The following ADAMTSL1 variants were observed in gnomAD, a reference collection of about 807,000 sequenced individuals.
ADAMTSL1 encodes the protein ADAMTS-like protein 1.
ADAMTSL1 carries 126 observed loss-of-function variants against 201.8 expected under a neutral mutation model. The ratio of observed to expected loss-of-function variants is 0.62; its 90% CI spans 0.54 to 0.72. The LOEUF (loss-of-function observed/expected upper bound fraction) is 0.72, where lower values mean the gene tolerates loss of function less well. Among genes scored for constraint, ADAMTSL1 ranks in the 30% least tolerant of loss-of-function variants. The pLI is 0.00. For synonymous variants in ADAMTSL1, 1,121 were observed against 903.4 expected (o/e 1.24, Z -4.32); for missense variants, 2,679 against 2,277.8 (o/e 1.18, Z -3.59).
At chr9:17,908,390 A>G (rs1022240412) in intron 1 of ADAMTSL1, among the ~76,000 whole-genome samples, 6 of 152,118 alleles carry the variant, frequency 3.9e-5, no homozygotes, top group African/African-American at 1.4e-4. Context: ...GAAATTCTAA[A>G]GCTCTCGGGT....
In ADAMTSL1 at chr9:18,171,216, A is replaced by G. The variant is rs74807521; in HGVS notation, c.207+7235A>G. Among the ~76,000 whole-genome samples, 777 of 152,182 alleles carry G rather than the reference A, an allele frequency of 5.1e-3. 3 individuals are homozygous for G. Among genetic ancestry groups the G allele is most frequent in the East Asian group, 0.031 (162 of 5,162 alleles). On this transcript the variant is annotated intron_variant, in intron 2 of 29. Coordinates refer to the ADAMTSL1 transcript ENST00000680146. Reference sequence around the variant, plus strand: ...AAGAACCTATAAATAGACACATATAAAAAAGAACTTGGTATATCACAGATG... The same window carrying G: ...AAGAACCTATAAATAGACACATATAGAAAAGAACTTGGTATATCACAGATG...
rs143793077 is a variant in ADAMTSL1 at position 18,490,178 on chromosome 9, T to C, written c.64-14651T>C. Among the ~76,000 whole-genome samples, 706 of 152,256 alleles carry C rather than the reference T, an allele frequency of 4.6e-3. 6 individuals are homozygous for C. The highest frequency in any genetic ancestry group is 0.016 in the African/African-American group (671 of 41,544). On this transcript the variant is annotated intron_variant, in intron 1 of 28. Transcript: ENST00000380548. ...GACCCATGCCACAGAGGAACTGGCC[T>C]GGCCAGAGCTGGAAGCAGGCTGGGG...
At chr9:18,800,811 G>T (rs1822745798) in intron 20 of ADAMTSL1, among the ~76,000 whole-genome samples, 1 of 152,178 alleles carries the variant, frequency 6.6e-6, no homozygotes, top group Non-Finnish European at 1.5e-5. Flanking sequence ...AGCATCACGT[G>T]GCTGTACTAA....
chr9:18,504,900 C>T lies in ADAMTSL1; in HGVS notation c.135C>T (p.Cys45=). 1.2e-6 allele frequency: 2 copies of T among 1,613,074 alleles called. No individual in the cohort carries two copies. Among genetic ancestry groups the T allele is most frequent in the East Asian group, 2.2e-5 (1 of 44,856 alleles). The change falls in exon 2 of 29, where the codon TGC becomes TGT. Residue 45 remains cysteine (C), a synonymous_variant. Transcript: ENST00000380548. ...LWDAWGPWSE[C]SRTCGGGASY... Reference sequence around the variant, plus strand: ...ATGCCTGGGGCCCATGGAGTGAATGCTCACGCACCTGCGGGGGTGGGGCCT... The same window carrying T: ...ATGCCTGGGGCCCATGGAGTGAATGTTCACGCACCTGCGGGGGTGGGGCCT...
chr9:18,561,150 C>G (rs560511771), intron 3 of ADAMTSL1, among the ~76,000 whole-genome samples: 1 of 152,148 alleles, frequency 6.6e-6, no homozygotes, highest in African/African-American at 2.4e-5. Context: ...ATCTTTCCCA[C>G]TTTCTCCTGT....
chr9:18,480,608 G>A, intron 1 of ADAMTSL1, among the ~76,000 whole-genome samples: 1 of 152,168 alleles, frequency 6.6e-6, no homozygotes, highest in Admixed American at 6.5e-5. Context: ...TTGTTATGCT[G>A]AAAACTTTTA....
chr9:18,070,417 T>C (rs144904813), intron 1 of ADAMTSL1, among the ~76,000 whole-genome samples: 14 of 152,296 alleles, frequency 9.2e-5, no homozygotes, highest in Admixed American at 2.0e-4. Context: ...TAGACTCTTA[T>C]ACAGTTTTTC....
chr9:18,908,094 TA>T (rs1210601918), intron 28 of ADAMTSL1: 1 of 294,014 alleles, frequency 3.4e-6, no homozygotes, highest in African/African-American at 2.2e-5. Flanking sequence ...CAGGTTTGCC[TA>T]GGGGGAGAGG....
chr9:18,167,287 G>T (rs968298998), intron 2 of ADAMTSL1, among the ~76,000 whole-genome samples: 1 of 151,864 alleles, frequency 6.6e-6, no homozygotes, highest in African/African-American at 2.4e-5. Flanking sequence ...CTGTAGCTTT[G>T]TGGTAAACAC....
chr9:18,429,214 T>A (rs1819371978), intron 2 of ADAMTSL1, among the ~76,000 whole-genome samples: 1 of 152,208 alleles, frequency 6.6e-6, no homozygotes, highest in African/African-American at 2.4e-5. Flanking sequence ...GCTATACTAT[T>A]TTTGGAAACA....
chr9:18,220,238 G>T (rs1218558975), intron 2 of ADAMTSL1, among the ~76,000 whole-genome samples: 1 of 151,970 alleles, frequency 6.6e-6, no homozygotes, highest in Admixed American at 6.6e-5. Flanking sequence ...TGAATTTGTT[G>T]ATTTCTTTTC....
intron 14 of ADAMTSL1, among the ~76,000 whole-genome samples, chr9:18,719,878 T>G (rs556796957): frequency 1.1e-3 from 168 of 152,292 alleles, no homozygotes; most frequent in African/African-American, 3.9e-3. Context: ...GTGGGTCAAC[T>G]GTACTATACT....
intron 2 of ADAMTSL1, among the ~76,000 whole-genome samples, chr9:18,410,571 CTGCATAGTATTACATGG>C (rs1818395065): frequency 6.6e-6 from 1 of 152,166 alleles, no homozygotes; most frequent in Non-Finnish European, 1.5e-5. Flanking sequence ...CTTTTTATGG[CTGCATAGTATTACATGG>C]TGCATATATA....
intron 2 of ADAMTSL1, among the ~76,000 whole-genome samples, chr9:18,200,643 T>C (rs1829402743): frequency 6.6e-6 from 1 of 152,022 alleles, no homozygotes; most frequent in Non-Finnish European, 1.5e-5. Context: ...CTCCTGCTTT[T>C]CTCTTTAGGG....
chr9:18,889,896 G>T (rs561247762), intron 25 of ADAMTSL1, 148 bp downstream of exon 25: 6 of 763,900 alleles, frequency 7.9e-6, no homozygotes, highest in Non-Finnish European at 9.3e-6. Context: ...AGGCTTATCA[G>T]GCCTCTCCAC....
intron 3 of ADAMTSL1, among the ~76,000 whole-genome samples, chr9:18,553,802 T>G (rs1318769557): frequency 1.3e-5 from 2 of 151,904 alleles, no homozygotes; most frequent in Non-Finnish European, 2.9e-5. Flanking sequence ...CATTCTAATT[T>G]GTTTTTCCTG....
intron 4 of ADAMTSL1, among the ~76,000 whole-genome samples, chr9:18,594,916 T>C (rs1324043021): frequency 6.6e-6 from 1 of 152,212 alleles, no homozygotes; most frequent in Non-Finnish European, 1.5e-5. Flanking sequence ...TATTTTATTC[T>C]TCAAAGGGTG....
At chr9:18,151,492 G>C (rs949542171) in intron 1 of ADAMTSL1, among the ~76,000 whole-genome samples, 1 of 151,746 alleles carries the variant, frequency 6.6e-6, no homozygotes, top group Non-Finnish European at 1.5e-5. Flanking sequence ...TCAATATACT[G>C]TATTTGATTA....
intron 5 of ADAMTSL1, among the ~76,000 whole-genome samples, chr9:18,634,400 C>T (rs1213073765): frequency 2.0e-5 from 3 of 151,804 alleles, no homozygotes; most frequent in Non-Finnish European, 4.4e-5. Flanking sequence ...CACATCTCTA[C>T]AAAATTACAA....
Sources: allele counts gnomAD v4.1 joint callset (sites outside exome capture counted in the v4.1 genomes callset), GRCh38; gene constraint gnomAD v4.1.1; transcripts MANE v1.5; gene names NCBI Gene and HGNC (gene_info 2026-07-23, HGNC 2026-07-21).